The following ZNF227 variants were observed in gnomAD, a reference collection of about 807,000 sequenced individuals.
ZNF227 encodes the protein zinc finger protein 227.
A neutral mutation model predicts 13.2 loss-of-function variants in ZNF227; 12 were observed. The ratio of observed to expected loss-of-function variants is 0.91; its 90% CI spans 0.58 to 1.47. The LOEUF is 1.47. ZNF227 is among the 40% of genes most tolerant of loss of function. The pLI is 0.00. For synonymous variants in ZNF227, 338 were observed against 326.0 expected, an observed-to-expected ratio of 1.04 and a Z score of -0.40; for missense variants, 885 against 967.5, an observed-to-expected ratio of 0.91 and a Z score of 1.13.
chr19:44,220,157 C>G (rs1404095247), intron 3 of ZNF227, among the ~76,000 whole-genome samples: 1 of 152,190 alleles, frequency 6.6e-6, no homozygotes, highest in Admixed American at 6.5e-5. Context: ...ATATGTGCCA[C>G]ATTTTCTTAA....
At chr19:44,211,396 C>T (rs570900941), upstream of ZNF227, among the ~76,000 whole-genome samples, 1 of 152,240 alleles carries the variant, frequency 6.6e-6, no homozygotes, top group Non-Finnish European at 1.5e-5. Flanking sequence ...CAAACATGTA[C>T]TGTAGTAGAT....
At chr19:44,231,203 C>T (rs904718566) in intron 5 of ZNF227, among the ~76,000 whole-genome samples, 2 of 151,842 alleles carry the variant, frequency 1.3e-5, no homozygotes, top group Non-Finnish European at 2.9e-5. Context: ...CAACCTCTGC[C>T]TCCCGGGTTC....
chr19:44,220,065 A>G (rs563002872), intron 3 of ZNF227, among the ~76,000 whole-genome samples: 3 of 152,132 alleles, frequency 2.0e-5, no homozygotes, highest in African/African-American at 7.2e-5. Flanking sequence ...TTTGCTGAGA[A>G]TGATGGTTTC....
intron 3 of ZNF227, among the ~76,000 whole-genome samples, chr19:44,221,376 C>T (rs1972497151): frequency 6.6e-6 from 1 of 152,188 alleles, no homozygotes; most frequent in South Asian, 2.1e-4. Context: ...ACAGTCGCAC[C>T]AGCAGTGTAA....
chr19:44,214,108 TTA>T (rs1407783954), intron 2 of ZNF227, among the ~76,000 whole-genome samples: 1 of 152,242 alleles, frequency 6.6e-6, no homozygotes, highest in Non-Finnish European at 1.5e-5. Context: ...TTGGCTTAAA[TTA>T]TGTTGTTGAA....
chr19:44,231,756 TG>T (rs1973869010), intron 5 of ZNF227, among the ~76,000 whole-genome samples: 1 of 152,212 alleles, frequency 6.6e-6, no homozygotes, highest in African/African-American at 2.4e-5. Context: ...ATTAATTATT[TG>T]GGAACACTGT....
chr19:44,230,939 A>AGATATATATCTATATC lies in ZNF227; in HGVS notation c.271+1123_271+1124insGATATATATCTATATC, dbSNP rs1568610000. Among the ~76,000 whole-genome samples the AGATATATATCTATATC allele has an allele frequency of 7.6e-4, 103 of 135,632 alleles. 2 individuals are homozygous for AGATATATATCTATATC. Among genetic ancestry groups the AGATATATATCTATATC allele is most frequent in the African/African-American group, 2.9e-3 (97 of 33,156 alleles). The allele number at this position is 135,632 out of a possible 152,430, so 89.0% of individuals were successfully genotyped here. On this transcript the variant is annotated intron_variant, in intron 5 of 5. Transcript: ENST00000313040. ...AAAAAAAAAAAAAATATATATATAT[A>AGATATATATCTATATC]TATATATATATATATCTTAGCCAGG... is the stretch of plus-strand genomic sequence containing the variant.
intron 2 of ZNF227, among the ~76,000 whole-genome samples, chr19:44,217,275 C>T (rs1197941826): frequency 6.6e-6 from 1 of 151,854 alleles, no homozygotes; most frequent in Non-Finnish European, 1.5e-5. Flanking sequence ...GGCTAAACAG[C>T]AAGAAGCCAT....
At position 44,236,088 on chromosome 19, in the gene ZNF227, G is replaced by T. The variant is rs1446753304; in HGVS notation, c.1658G>T (p.Cys553Phe). The T allele has an allele frequency of 6.2e-7, 1 of 1,614,040 alleles. No individual in the cohort carries two copies. The highest frequency in any genetic ancestry group is 8.5e-7 in the Non-Finnish European group (1 of 1,180,024). ...GAGAAACCATATAGATGTGATGTGTGTGGTAAGGACTTCAGTTATAGTTCA... is the reference window on the plus strand; with the variant it reads ...GAGAAACCATATAGATGTGATGTGTTTGGTAAGGACTTCAGTTATAGTTCA... ...TGEKPYRCDV[C>F]GKDFSYSSNL... Residue 553 changes from cysteine (C) to phenylalanine (F), a missense_variant, in exon 6 of 6, where the codon TGT becomes TTT. Physicochemically the swap from Cys to Phe is radical, Grantham distance 205 (BLOSUM62 -2). Transcript: ENST00000313040.
Position 44,236,583 on chromosome 19 carries a change from G to A in ZNF227, c.2153G>A (p.Cys718Tyr), listed in dbSNP as rs1974532413. Residue 718 changes from cysteine to tyrosine, a missense_variant, in exon 6 of 6, where the codon TGT (cysteine) becomes TAT (tyrosine). Coordinates refer to ENST00000313040, the MANE Select transcript of ZNF227 (RefSeq NM_182490.3). ...RVHTGEKPHI[C>Y]EECGKAFSLP... ...CACACGGGAGAGAAACCCCATATAT[G>A]TGAGGAGTGTGGTAAGGCCTTCAGT... 6.2e-7 allele frequency: 1 copy of A among 1,614,116 alleles called. No homozygotes were observed. Among genetic ancestry groups the A allele is most frequent in the Non-Finnish European group, 8.5e-7 (1 of 1,180,018 alleles).
chr19:44,208,371 A>G (rs570371256), upstream of ZNF227, among the ~76,000 whole-genome samples: 265 of 152,352 alleles, frequency 1.7e-3, 1 homozygote, highest in African/African-American at 6.0e-3. Flanking sequence ...CTCATCTGCT[A>G]GCCGATTTAC....
chr19:44,210,157 G>T (rs949238955), upstream of ZNF227, among the ~76,000 whole-genome samples: 3 of 152,160 alleles, frequency 2.0e-5, no homozygotes, highest in East Asian at 5.8e-4. Context: ...ACTTTTGGTG[G>T]GATGCATTTG....
intron 3 of ZNF227, among the ~76,000 whole-genome samples, chr19:44,225,109 G>A (rs1332229268): frequency 6.6e-6 from 1 of 151,936 alleles, no homozygotes; most frequent in Non-Finnish European, 1.5e-5. Flanking sequence ...ACTCTCTTCT[G>A]GCTTGTAGAG....
rs192959326 is a variant in ZNF227, at chr19:44,236,131, A to G, written c.1701A>G (p.Gln567=). The change falls in exon 6 of 6, where the codon CAA becomes CAG. Residue 567 remains glutamine (Q), a synonymous_variant. Transcript: ENST00000313040. ...ATAGTTCAAATCTTAAACTACACCA[A>G]GTAATTCACACTGGAGAAAAACCAT... is the stretch of plus-strand genomic sequence containing the variant. The part of the protein sequence containing the change: ...FSYSSNLKLH[Q]VIHTGEKPYK... 5.6e-6 allele frequency: 9 copies of G among 1,613,922 alleles called. No homozygotes were observed. The Admixed American group carries it at 1.0e-4, about 18-fold the overall frequency.
upstream of ZNF227, among the ~76,000 whole-genome samples, chr19:44,211,576 T>G (rs1431107527): frequency 6.6e-6 from 1 of 152,226 alleles, no homozygotes; most frequent in Non-Finnish European, 1.5e-5. Flanking sequence ...GAGGCCCTAG[T>G]TGCTTTGTGG....
Position 44,234,965 on chromosome 19 carries a change from G to T in ZNF227, c.535G>T (p.Gly179Trp). 1.2e-6 allele frequency: 2 copies of T among 1,613,968 alleles called. No individual in the cohort carries two copies. Among genetic ancestry groups the T allele is most frequent in the East Asian group, 2.2e-5 (1 of 44,876 alleles). ...ATTTTGGAGAACCCAGCATTCTTGC[G>T]GGAATACATATCTGAGTGAGTCACA... is the stretch of plus-strand genomic sequence containing the variant. ...FPFWRTQHSC[G>W]NTYLSESQIQ... Residue 179 changes from glycine to tryptophan, a missense_variant, in exon 6 of 6, where the codon GGG becomes TGG. By Grantham distance (184) the Gly-to-Trp change is radical. Transcript: ENST00000313040.
upstream of ZNF227, among the ~76,000 whole-genome samples, chr19:44,210,784 A>C (rs1971327034): frequency 6.6e-6 from 1 of 152,236 alleles, no homozygotes; most frequent in South Asian, 2.1e-4. Flanking sequence ...TCTTAAGGGC[A>C]CTGGATAGAC....
intron 2 of ZNF227, among the ~76,000 whole-genome samples, chr19:44,217,048 C>T (rs769325534): frequency 6.6e-6 from 1 of 150,490 alleles, no homozygotes; most frequent in African/African-American, 2.5e-5. Context: ...CTATAACCTC[C>T]ACCTTCCAGG....
intron 3 of ZNF227, among the ~76,000 whole-genome samples, chr19:44,227,761 A>G (rs1423918780): frequency 6.6e-6 from 1 of 152,232 alleles, no homozygotes; most frequent in East Asian, 1.9e-4. Context: ...TCCTATAACT[A>G]GTAAAAGGCA....
Sources: gnomAD v4.1 joint callset for allele counts (sites outside exome capture counted in the v4.1 genomes callset) on GRCh38, gnomAD v4.1.1 for gene constraint, MANE v1.5 for transcripts, NCBI Gene and HGNC (gene_info 2026-07-23, HGNC 2026-07-21) for gene names.